Variants in ZNF622 observed in about 807,000 individuals in gnomAD.
ZNF622 encodes cytoplasmic 60S subunit biogenesis factor ZNF622.
In ZNF622, 34 loss-of-function variants were observed where a neutral mutation model predicts 49.7. The ratio of observed to expected loss-of-function variants is 0.68; its 90% CI spans 0.52 to 0.91. The LOEUF (loss-of-function observed/expected upper bound fraction) is 0.91, where lower values mean the gene tolerates loss of function less well. Ranked by LOEUF, ZNF622 falls within the 40% of genes least tolerant of loss-of-function variation. ZNF622 has a pLI of 0.00. For synonymous variants in ZNF622, 209 were observed against 228.7 expected (o/e 0.91, Z 0.78); for missense variants, 569 against 616.4 (o/e 0.92, Z 0.81).
Position 16,459,089 on chromosome 5 carries a change from T to G in ZNF622, c.1050-460A>C, listed in dbSNP as rs186239196. 4.9e-3 allele frequency among the ~76,000 whole-genome samples: 740 copies of G among 152,332 alleles called. 9 individuals carry two copies. Among genetic ancestry groups the G allele is most frequent in the African/African-American group, 0.017 (707 of 41,574 alleles). ...GGTAGTCTGACTGAAGAACTGAATG[T>G]TTAAATTTTTAATTAAACTTCCAAT... On this transcript the variant is annotated intron_variant, in intron 3 of 5. Transcript: ENST00000308683.
Sources: gnomAD v4.1 joint callset for allele counts (sites outside exome capture counted in the v4.1 genomes callset) on GRCh38, gnomAD v4.1.1 for gene constraint, MANE v1.5 for transcripts, NCBI Gene and HGNC (gene_info 2026-07-23, HGNC 2026-07-21) for gene names.